MSI2: variants seen among roughly 807,000 people sequenced by gnomAD.
MSI2 encodes RNA-binding protein Musashi homolog 2.
Under a neutral mutation model 45.6 loss-of-function variants are expected in MSI2, and 17 were observed. The observed-to-expected ratio is 0.37, with a 90% CI of 0.26 to 0.56. MSI2 has a LOEUF of 0.56. Among genes scored for constraint, MSI2 ranks in the 20% least tolerant of loss-of-function variants. The probability of loss-of-function intolerance (pLI) is 0.77; values close to 1 mark genes in which losing one functional copy is unlikely to be tolerated. For missense variants in MSI2, 293 were observed against 444.2 expected (o/e 0.66, Z 3.06); for synonymous variants, 156 against 158.2 (o/e 0.99, Z 0.11).
intron 6 of MSI2, among the ~76,000 whole-genome samples, chr17:57,486,371 T>C (rs1018204467): frequency 6.6e-6 from 1 of 152,248 alleles, no homozygotes; most frequent in Non-Finnish European, 1.5e-5. Context: ...CTCCTTTCTA[T>C]AGGGAAGGGC....
rs1011444527 is a variant in MSI2 at position 57,652,017 on chromosome 17, G to A, written c.728-82G>A. Reference sequence around the variant, plus strand: ...CCTGTCTTTGTGTGGAGGGCGGGGGGTTGTGTGGCCCGTGACCTAGGTCTG... The same window carrying A: ...CCTGTCTTTGTGTGGAGGGCGGGGGATTGTGTGGCCCGTGACCTAGGTCTG... On this transcript the variant is annotated intron_variant, in intron 10 of 13. Transcript: ENST00000284073. The surrounding 1 kb of genome is among the most constrained non-coding windows in gnomAD (Gnocchi z 4.1). 2 of 1,307,964 alleles carry A rather than the reference G, an allele frequency of 1.5e-6. No individual in the cohort carries two copies. The highest frequency in any genetic ancestry group is 2.2e-6 in the Non-Finnish European group (2 of 903,112). The allele number at this position is 1,307,964 out of a possible 1,614,324, so 81.0% of individuals were successfully genotyped here.
At chr17:57,621,055 TGATGGAA>T in intron 9 of MSI2, among the ~76,000 whole-genome samples, 1 of 152,374 alleles carries the variant, frequency 6.6e-6, no homozygotes, top group East Asian at 1.9e-4. Flanking sequence ...TGCTGTGCTA[TGATGGAA>T]GCCCTTGACT....
At chr17:57,502,636 T>TATATAGAGAGAGAGAGAG in intron 6 of MSI2, among the ~76,000 whole-genome samples, 1 of 96,934 alleles carries the variant, frequency 1.0e-5, no homozygotes, top group Non-Finnish European at 2.1e-5. Flanking sequence ...TATATATATA[T>TATATAGAGAGAGAGAGAG]AGTCATCATT....
the MSI2 span, among the ~76,000 whole-genome samples, chr17:57,694,088 T>C: frequency 0.15 from 23,081 of 152,176 alleles, 2,013 homozygotes; most frequent in Middle Eastern, 0.22. Flanking sequence ...GCTTTCATGC[T>C]TCAACAGCAG....
At chr17:57,606,835 G>A (rs543532613) in intron 8 of MSI2, among the ~76,000 whole-genome samples, 29 of 151,852 alleles carry the variant, frequency 1.9e-4, no homozygotes, top group African/African-American at 6.5e-4. Context: ...TGAACTAGAC[G>A]CAGATAGGCC....
At chr17:57,340,331 G>C (rs531015977) in intron 5 of MSI2, among the ~76,000 whole-genome samples, 2 of 152,118 alleles carry the variant, frequency 1.3e-5, no homozygotes, top group Non-Finnish European at 2.9e-5. Context: ...CCTTTTGCCA[G>C]TACAGCCAAA....
chr17:57,662,199 A>T (rs1912038124), intron 11 of MSI2, among the ~76,000 whole-genome samples: 3 of 152,202 alleles, frequency 2.0e-5, no homozygotes, highest in African/African-American at 7.2e-5. Context: ...GAAGCAGACA[A>T]ATAATGCCTT....
At chr17:57,364,557 A>G (rs780444078) in intron 5 of MSI2, among the ~76,000 whole-genome samples, 1 of 152,238 alleles carries the variant, frequency 6.6e-6, no homozygotes, top group Admixed American at 6.5e-5. Context: ...TGATAAATTA[A>G]GGTTCTGCTT....
rs770725363 is a variant in MSI2 at position 57,462,326 on chromosome 17, T to C, written c.405+60855T>C. Among the ~76,000 whole-genome samples the C allele has an allele frequency of 4.3e-4, 65 of 152,222 alleles. 1 individual carries two copies. Among genetic ancestry groups the C allele is most frequent in the Non-Finnish European group, 7.2e-4 (49 of 68,030 alleles). Reference sequence around the variant, plus strand: ...CCTGGCCCTTCATGGTTCACCTTACTGTGTGGGTCCCAGCCATCCACCAGA... The same window carrying C: ...CCTGGCCCTTCATGGTTCACCTTACCGTGTGGGTCCCAGCCATCCACCAGA... On this transcript the variant is annotated intron_variant, in intron 6 of 13. Transcript: ENST00000284073.
At chr17:57,589,550 G>T (rs913734960) in intron 7 of MSI2, among the ~76,000 whole-genome samples, 18 of 147,046 alleles carry the variant, frequency 1.2e-4, no homozygotes, top group African/African-American at 4.7e-4. Flanking sequence ...TGGGGCTGGG[G>T]ACAGCCCGAG....
intron 6 of MSI2, among the ~76,000 whole-genome samples, chr17:57,518,331 C>T (rs1337146268): frequency 6.6e-6 from 1 of 152,214 alleles, no homozygotes; most frequent in Non-Finnish European, 1.5e-5. Context: ...CTCCCCCTCC[C>T]CTCCCCAGGC....
intron 11 of MSI2, among the ~76,000 whole-genome samples, chr17:57,665,877 C>T (rs1321063964): frequency 6.6e-6 from 1 of 152,192 alleles, no homozygotes; most frequent in East Asian, 1.9e-4. Context: ...ACGCTGACCC[C>T]ACCAGTACTG....
intron 11 of MSI2, among the ~76,000 whole-genome samples, chr17:57,657,736 G>A (rs1336401290): frequency 6.6e-6 from 1 of 152,176 alleles, no homozygotes; most frequent in Non-Finnish European, 1.5e-5. Flanking sequence ...GGGGCTGGGG[G>A]ACATGAAAGA....
At chr17:57,688,140 C>G (rs1483722605), downstream of MSI2, among the ~76,000 whole-genome samples, 1 of 151,988 alleles carries the variant, frequency 6.6e-6, no homozygotes, top group Non-Finnish European at 1.5e-5. Flanking sequence ...AAATAAGGAA[C>G]TTGTAGGGGT....
At chr17:57,659,865 A>G (rs550312441) in intron 11 of MSI2, among the ~76,000 whole-genome samples, 1 of 152,232 alleles carries the variant, frequency 6.6e-6, no homozygotes, top group East Asian at 1.9e-4. Flanking sequence ...AGATTTCAGA[A>G]CTGGACCTAC....
At chr17:57,291,309 C>A (rs933210427) in intron 5 of MSI2, among the ~76,000 whole-genome samples, 3 of 152,142 alleles carry the variant, frequency 2.0e-5, no homozygotes, top group African/African-American at 7.2e-5. Flanking sequence ...TGATCAGCAT[C>A]CCGGAGTGTT....
At position 57,652,474 on chromosome 17, in the gene MSI2, GGGTACCTGT is replaced by G. The variant is rs1293886351; in HGVS notation, c.790+317_790+325del. ...ATCCCGTCACCTGACAGCTAGCTTC[GGGTACCTGT>G]GGTCATTTCCCTCCTTGGCTTTTGC... On this transcript the variant is annotated intron_variant, in intron 11 of 13. Coordinates refer to ENST00000284073, the MANE Select transcript of MSI2 (RefSeq NM_138962.4). The surrounding 1 kb of genome is among the most constrained non-coding windows in gnomAD (Gnocchi z 4.1). 1.3e-5 allele frequency among the ~76,000 whole-genome samples: 2 copies of G among 151,826 alleles called. No homozygotes were observed. Among genetic ancestry groups the G allele is most frequent in the African/African-American group, 4.8e-5 (2 of 41,310 alleles).
intron 6 of MSI2, among the ~76,000 whole-genome samples, chr17:57,480,144 G>T (rs927848575): frequency 1.3e-5 from 2 of 152,038 alleles, no homozygotes; most frequent in African/African-American, 4.8e-5. Context: ...TTTAATTTTT[G>T]TAGAGATGGG....
At chr17:57,325,118 T>C (rs1913680170) in intron 5 of MSI2, among the ~76,000 whole-genome samples, 1 of 152,226 alleles carries the variant, frequency 6.6e-6, no homozygotes, top group African/African-American at 2.4e-5. Flanking sequence ...GTGGTATATA[T>C]GCACTGTGGA....
Sources: gnomAD v4.1 joint callset for allele counts (sites outside exome capture counted in the v4.1 genomes callset) on GRCh38, gnomAD v4.1.1 for gene constraint, Gnocchi (gnomAD v3.1) non-coding constraint, MANE v1.5 for transcripts, NCBI Gene and HGNC (gene_info 2026-07-23, HGNC 2026-07-21) for gene names.